CES5A: variants seen among roughly 807,000 people sequenced by gnomAD.
The protein encoded by CES5A is carboxylesterase 5A, also known as carboxylesterase 5.
CES5A carries 67 observed loss-of-function variants against 62.9 expected under a neutral mutation model. The ratio of observed to expected loss-of-function variants is 1.07; its 90% CI spans 0.88 to 1.31. The LOEUF (loss-of-function observed/expected upper bound fraction) is 1.31, where lower values mean the gene tolerates loss of function less well. CES5A is among the 50% of genes most tolerant of loss of function. The pLI, the probability that CES5A is intolerant of heterozygous loss-of-function variation, is 0.00. For synonymous variants in CES5A, 296 were observed against 280.8 expected (o/e 1.05, Z -0.54); for missense variants, 748 against 708.5 (o/e 1.06, Z -0.63).
At chr16:55,856,284 T>A in intron 9 of CES5A, 93 bp downstream of exon 9, 1 of 1,075,166 alleles carries the variant, frequency 9.3e-7, no homozygotes, top group Non-Finnish European at 1.4e-6. Context: ...GTGAGGAGTG[T>A]CTGTGCCCTT....
At chr16:55,871,488 A>T (rs1470469537) in intron 3 of CES5A, 137 bp downstream of exon 3, 12 of 933,674 alleles carry the variant, frequency 1.3e-5, no homozygotes, top group Non-Finnish European at 1.8e-5. Flanking sequence ...AATGATTTTT[A>T]AAAATTGTTG....
intron 1 of CES5A, among the ~76,000 whole-genome samples, chr16:55,899,570 A>G (rs929633857): frequency 2.0e-5 from 3 of 152,216 alleles, no homozygotes; most frequent in African/African-American, 7.2e-5. Context: ...TGCCACAGAG[A>G]GTGGATCTAG....
intron 7 of CES5A, among the ~76,000 whole-genome samples, 153 bp downstream of exon 7, chr16:55,861,259 T>C (rs2033344593): frequency 6.6e-6 from 1 of 152,258 alleles, no homozygotes; most frequent in African/African-American, 2.4e-5. Context: ...AAGGGTTCTA[T>C]ATCCCTACTT....
intron 1 of CES5A, among the ~76,000 whole-genome samples, chr16:55,891,240 A>G (rs1264786893): frequency 6.6e-6 from 1 of 152,238 alleles, no homozygotes; most frequent in Non-Finnish European, 1.5e-5. Context: ...TGTCCGGAAT[A>G]AGAACCCCTT....
At chr16:55,925,116 C>A (rs2034245121) in intron 1 of CES5A, among the ~76,000 whole-genome samples, 1 of 151,928 alleles carries the variant, frequency 6.6e-6, no homozygotes, top group Non-Finnish European at 1.5e-5. Context: ...AAACTCTCAA[C>A]CGACAACAGA....
At chr16:55,946,759 C>T (rs778926318) in intron 2 of CES5A, among the ~76,000 whole-genome samples, 23 of 152,144 alleles carry the variant, frequency 1.5e-4, no homozygotes, top group African/African-American at 2.7e-4. Context: ...TGTGGGTTAA[C>T]GGGGGCAGCT....
intron 2 of CES5A, among the ~76,000 whole-genome samples, chr16:55,948,452 C>T (rs1156447996): frequency 2.6e-5 from 4 of 152,006 alleles, no homozygotes; most frequent in East Asian, 1.9e-4. Context: ...AAATTCATCT[C>T]GGGGTAGGCG....
At chr16:55,869,885 G>T in intron 3 of CES5A, 141 bp from the exon 4 acceptor site, 1 of 1,230,290 alleles carries the variant, frequency 8.1e-7, no homozygotes, top group Non-Finnish European at 1.1e-6. Context: ...TTTGAAGAAG[G>T]CCCAGGGTTA....
upstream of CES5A, among the ~76,000 whole-genome samples, chr16:55,878,894 A>C (rs1057166009): frequency 7.4e-5 from 6 of 80,632 alleles, no homozygotes; most frequent in African/African-American, 2.0e-4. Flanking sequence ...CCATTTAACC[A>C]CCATCACTGC....
At chr16:55,912,463 A>T (rs1184781913) in intron 1 of CES5A, among the ~76,000 whole-genome samples, 1 of 152,150 alleles carries the variant, frequency 6.6e-6, no homozygotes, top group Non-Finnish European at 1.5e-5. Context: ...GGGGGTGCTC[A>T]GAAAGTTGTC....
At chr16:55,857,327 T>C (rs2033262556) in intron 8 of CES5A, among the ~76,000 whole-genome samples, 1 of 152,226 alleles carries the variant, frequency 6.6e-6, no homozygotes, top group African/African-American at 2.4e-5. Context: ...ACTTGGTATG[T>C]AGTAAGTGCT....
At chr16:55,933,632 G>C (rs1426951973) in intron 2 of CES5A, among the ~76,000 whole-genome samples, 2 of 151,986 alleles carry the variant, frequency 1.3e-5, no homozygotes, top group African/African-American at 4.8e-5. Flanking sequence ...CACTAAAGCT[G>C]TTACTATATG....
At chr16:55,914,458 ACT>A (rs1431874542) in intron 1 of CES5A, among the ~76,000 whole-genome samples, 2 of 152,016 alleles carry the variant, frequency 1.3e-5, no homozygotes, top group Non-Finnish European at 2.9e-5. Flanking sequence ...GGTGGGGGTA[ACT>A]CTGCTGTATC....
intron 2 of CES5A, among the ~76,000 whole-genome samples, chr16:55,948,734 G>A (rs1040312530): frequency 5.3e-5 from 8 of 152,174 alleles, no homozygotes; most frequent in African/African-American, 7.2e-5. Flanking sequence ...GGATGGTGAT[G>A]GTGGCTGGGA....
At chr16:55,866,251 G>A (rs1179430433) in intron 4 of CES5A, 135 bp from the exon 5 acceptor site, 4 of 707,038 alleles carry the variant, frequency 5.7e-6, no homozygotes, top group African/African-American at 1.8e-5. Flanking sequence ...GAGGAGCTGG[G>A]GAAACCGGAC....
At chr16:55,893,019 G>GA (rs756340211) in intron 1 of CES5A, among the ~76,000 whole-genome samples, 1 of 152,132 alleles carries the variant, frequency 6.6e-6, no homozygotes, top group African/African-American at 2.4e-5. Context: ...TCGAAATCCG[G>GA]AAAAATGCCA....
chr16:55,874,559 T>C (rs2142416806), intron 1 of CES5A, among the ~76,000 whole-genome samples: 1 of 152,286 alleles, frequency 6.6e-6, no homozygotes, highest in Non-Finnish European at 1.5e-5. Context: ...ATGACATTTA[T>C]GGAATTGTGA....
At chr16:55,847,474 A>G (rs1457217609) in intron 11 of CES5A, among the ~76,000 whole-genome samples, 1 of 152,174 alleles carries the variant, frequency 6.6e-6, no homozygotes, top group East Asian at 1.9e-4. Flanking sequence ...AAAATCCAAA[A>G]TGCAGAAAGA....
chr16:55,850,329 C>A (rs7192990), intron 10 of CES5A, among the ~76,000 whole-genome samples: 127,363 of 152,184 alleles, frequency 0.84, 53,305 homozygotes, highest in East Asian at 0.89. Context: ...GGTCCAGAAC[C>A]TTTTCATCAC....
Sources: allele counts gnomAD v4.1 joint callset (sites outside exome capture counted in the v4.1 genomes callset), GRCh38; gene constraint gnomAD v4.1.1; transcripts MANE v1.5; gene names NCBI Gene and HGNC (gene_info 2026-07-23, HGNC 2026-07-21).